The following SYNPR variants were observed in gnomAD, a reference collection of about 807,000 sequenced individuals.
The protein encoded by SYNPR is synaptoporin.
Under a neutral mutation model 32.9 loss-of-function variants are expected in SYNPR, and 23 were observed. That is an observed-to-expected ratio of 0.70 (90% confidence interval 0.50 to 0.99). The LOEUF is 0.99. Among genes scored for constraint, SYNPR ranks in the 50% least tolerant of loss-of-function variants. SYNPR has a pLI of 0.00. For synonymous variants in SYNPR, 146 were observed against 135.9 expected, an observed-to-expected ratio of 1.07 and a Z score of -0.52; for missense variants, 318 against 349.3, an observed-to-expected ratio of 0.91 and a Z score of 0.71.
the SYNPR span, among the ~76,000 whole-genome samples, chr3:63,206,934 G>A: frequency 1.3e-5 from 2 of 152,166 alleles, no homozygotes; most frequent in Non-Finnish European, 2.9e-5. Flanking sequence ...CTATTATCTT[G>A]CTCTAATTGC....
rs535601672 is a variant in SYNPR, at chr3:63,571,620, A to C, written c.408+14879A>C. Among the ~76,000 whole-genome samples the C allele has an allele frequency of 2.2e-3, 329 of 152,284 alleles. 2 individuals carry two copies. The highest frequency in any genetic ancestry group is 3.9e-3 in the Non-Finnish European group (268 of 68,008). ...GTATTCAAAATTCAGAAAATTTCTA[A>C]ATGCTCATAAAAAGACAGTATTTCT... On this transcript the variant is annotated intron_variant, in intron 4 of 5. Transcript: ENST00000478300.
the SYNPR span, among the ~76,000 whole-genome samples, chr3:63,203,062 G>A: frequency 0.029 from 870 of 30,260 alleles, 34 homozygotes; most frequent in African/African-American, 0.13. Context: ...ATATATATAT[G>A]TATGTGTATA....
chr3:63,471,678 C>T (rs28738794), intron 2 of SYNPR, among the ~76,000 whole-genome samples: 27,978 of 152,152 alleles, frequency 0.18, 2,666 homozygotes, highest in Non-Finnish European at 0.2. Context: ...GTACATATTC[C>T]TCGCTTTTTT....
Position 63,501,625 on chromosome 3 carries a change from C to T in SYNPR, c.209+20669C>T, listed in dbSNP as rs1575678612. Among the ~76,000 whole-genome samples the T allele has an allele frequency of 2.6e-5, 4 of 152,024 alleles. No homozygotes were observed. The South Asian group carries it at 8.3e-4, about 32-fold the overall frequency. On this transcript the variant is annotated intron_variant, in intron 3 of 5. Coordinates refer to ENST00000478300, the MANE Select transcript of SYNPR (RefSeq NM_001130003.2). ...GCTTAATAAATATGATGAGCCTTTG[C>T]TATCATCATCAGCTTTTGTTATCTC...
intron 2 of SYNPR, among the ~76,000 whole-genome samples, chr3:63,408,364 G>GAAAGAA (rs2088416368): frequency 6.6e-6 from 1 of 151,010 alleles, no homozygotes; most frequent in Non-Finnish European, 1.5e-5. Context: ...AAGAAAGAAA[G>GAAAGAA]AAAGAAAGAA....
At chr3:63,476,743 C>T (rs1165222021) in intron 2 of SYNPR, among the ~76,000 whole-genome samples, 1 of 152,154 alleles carries the variant, frequency 6.6e-6, no homozygotes, top group Non-Finnish European at 1.5e-5. Flanking sequence ...TTAAATGTAA[C>T]ACCCCCCCAG....
At chr3:63,223,776 T>C (rs887653403), upstream of SYNPR, among the ~76,000 whole-genome samples, 2 of 152,192 alleles carry the variant, frequency 1.3e-5, no homozygotes, top group African/African-American at 4.8e-5. Context: ...TCTCTCACTA[T>C]GTCATTTAAC....
chr3:63,438,533 C>G (rs986113499), intron 2 of SYNPR, among the ~76,000 whole-genome samples: 9 of 152,104 alleles, frequency 5.9e-5, no homozygotes, highest in Non-Finnish European at 1.2e-4. Context: ...AGCTAATGAT[C>G]TAATAAATCT....
At chr3:63,268,758 C>G (rs1304171687) in intron 3 of SYNPR, among the ~76,000 whole-genome samples, 1 of 152,056 alleles carries the variant, frequency 6.6e-6, no homozygotes, top group Non-Finnish European at 1.5e-5. Context: ...ACAGTTCAAA[C>G]CCATGTTACT....
chr3:63,447,649 T>C (rs1430392502), intron 2 of SYNPR, among the ~76,000 whole-genome samples: 1 of 151,984 alleles, frequency 6.6e-6, no homozygotes, highest in East Asian at 1.9e-4. Flanking sequence ...AGTGTGTCTT[T>C]AAATGTTTAA....
intron 3 of SYNPR, among the ~76,000 whole-genome samples, chr3:63,533,149 G>T (rs1702139848): frequency 6.6e-6 from 1 of 152,098 alleles, no homozygotes. Context: ...CTGTCCTAGT[G>T]GTTTTTGTGT....
chr3:63,465,790 A>G (rs1700667366), intron 2 of SYNPR, among the ~76,000 whole-genome samples: 2 of 152,208 alleles, frequency 1.3e-5, no homozygotes, highest in African/African-American at 4.8e-5. Flanking sequence ...GTCATCAAAT[A>G]TCTACACATT....
At chr3:63,376,468 T>C (rs1359023727) in intron 2 of SYNPR, among the ~76,000 whole-genome samples, 1 of 152,156 alleles carries the variant, frequency 6.6e-6, no homozygotes, top group African/African-American at 2.4e-5. Context: ...TACCTCACTA[T>C]AGGCTTCTCT....
chr3:63,360,596 C>T (rs116386327), intron 2 of SYNPR, among the ~76,000 whole-genome samples: 63 of 152,300 alleles, frequency 4.1e-4, no homozygotes, highest in African/African-American at 1.4e-3. Context: ...AAACTCCTTA[C>T]GTAGCATTCC....
intron 2 of SYNPR, among the ~76,000 whole-genome samples, chr3:63,437,810 C>G (rs1263412544): frequency 1.3e-5 from 2 of 152,170 alleles, no homozygotes; most frequent in African/African-American, 4.8e-5. Context: ...AATACCCTGA[C>G]CTCAGTCTCC....
intron 2 of SYNPR, among the ~76,000 whole-genome samples, chr3:63,387,186 G>A (rs2088057317): frequency 6.6e-6 from 1 of 152,064 alleles, no homozygotes; most frequent in Non-Finnish European, 1.5e-5. Flanking sequence ...CTATAATTTA[G>A]TTATTTGCAT....
intron 3 of SYNPR, among the ~76,000 whole-genome samples, chr3:63,487,604 C>G (rs1488903925): frequency 6.6e-6 from 1 of 152,146 alleles, no homozygotes; most frequent in Non-Finnish European, 1.5e-5. Context: ...CCCAACCCTG[C>G]CTCTGCCTAT....
At chr3:63,601,614 C>T (rs1054107636) in intron 4 of SYNPR, among the ~76,000 whole-genome samples, 8 of 152,096 alleles carry the variant, frequency 5.3e-5, no homozygotes, top group African/African-American at 1.7e-4. Context: ...TTTTCTGTTC[C>T]TGTGTTAGTT....
intron 2 of SYNPR, among the ~76,000 whole-genome samples, chr3:63,430,289 T>C (rs1253569150): frequency 6.6e-6 from 1 of 152,096 alleles, no homozygotes; most frequent in African/African-American, 2.4e-5. Context: ...TAACACGTCT[T>C]TACATTTTAT....
Sources: gnomAD v4.1 joint callset for allele counts (sites outside exome capture counted in the v4.1 genomes callset) on GRCh38, gnomAD v4.1.1 for gene constraint, MANE v1.5 for transcripts, NCBI Gene and HGNC (gene_info 2026-07-23, HGNC 2026-07-21) for gene names.